The following ACER3 variants were observed in gnomAD, a reference collection of about 807,000 sequenced individuals.
ACER3 encodes the protein alkaline ceramidase 3.
A neutral mutation model predicts 48.9 loss-of-function variants in ACER3; 16 were observed. The observed-to-expected ratio is 0.33, with a 90% confidence interval of 0.22 to 0.50. The LOEUF (loss-of-function observed/expected upper bound fraction) is 0.50. Among genes scored for constraint, ACER3 ranks in the 20% least tolerant of loss-of-function variants. The pLI is 0.98. For synonymous variants in ACER3, 109 were observed against 107.8 expected (o/e 1.01, Z -0.07); for missense variants, 227 against 326.0 (o/e 0.70, Z 2.34).
At chr11:76,916,816 TC>T (rs1946544013) in intron 1 of ACER3, among the ~76,000 whole-genome samples, 1 of 152,220 alleles carries the variant, frequency 6.6e-6, no homozygotes, top group African/African-American at 2.4e-5. Context: ...CTTACCTTGT[TC>T]TTCTCTGGCT....
chr11:76,991,833 G>C (rs1169874639), intron 6 of ACER3, among the ~76,000 whole-genome samples: 1 of 103,672 alleles, frequency 9.6e-6, no homozygotes, highest in South Asian at 3.3e-4. Context: ...AAAAAAAAAA[G>C]AAAGAAAAGA....
chr11:76,910,146 A>T (rs1009148922), intron 1 of ACER3, among the ~76,000 whole-genome samples: 1 of 151,964 alleles, frequency 6.6e-6, no homozygotes, highest in Admixed American at 6.6e-5. Context: ...AAGGGGAGGG[A>T]TAGCATTAGG....
intron 1 of ACER3, among the ~76,000 whole-genome samples, chr11:76,915,616 A>C (rs538448541): frequency 6.6e-6 from 1 of 152,340 alleles, no homozygotes; most frequent in Non-Finnish European, 1.5e-5. Flanking sequence ...CTCATGCCTA[A>C]CTACCTGTAA....
chr11:77,016,695 C>T lies in ACER3; in HGVS notation c.620C>T (p.Pro207Leu), dbSNP rs1174025268. ...ESLRNFRKKV[P>L]PIIGITTQFH... The stretch of plus-strand genomic sequence containing the variant: ...CACAGGAACTTTCGAAAGAAGGTAC[C>T]ACCTATCATAGGTATTACCACACAA... Residue 207 changes from proline (P) to leucine (L), a missense_variant, in exon 9 of 11, where the codon CCA (proline) becomes CTA (leucine). Physicochemically the swap from Pro to Leu is moderately conservative, Grantham distance 98. This residue lies in a region of ACER3 where 195 missense variants were observed against 290.8 expected (regional missense o/e 0.67). Transcript: ENST00000532485. The T allele has an allele frequency of 1.9e-6, 3 of 1,581,480 alleles. No individual in the cohort carries two copies. Among genetic ancestry groups the T allele is most frequent in the Non-Finnish European group, 2.6e-6 (3 of 1,162,342 alleles).
intron 3 of ACER3, among the ~76,000 whole-genome samples, chr11:76,972,659 C>A (rs1352991685): frequency 6.6e-6 from 1 of 152,218 alleles, no homozygotes; most frequent in African/African-American, 2.4e-5. Flanking sequence ...CCACTCTATG[C>A]TGCTGTTTTC....
At chr11:76,917,313 C>T (rs764674783) in intron 1 of ACER3, among the ~76,000 whole-genome samples, 1 of 151,912 alleles carries the variant, frequency 6.6e-6, no homozygotes, top group Non-Finnish European at 1.5e-5. Context: ...GTAATACTTA[C>T]ATGCAATAAA....
At chr11:76,890,459 T>C (rs77147099) in intron 1 of ACER3, among the ~76,000 whole-genome samples, 4,943 of 152,268 alleles carry the variant, frequency 0.032, 96 homozygotes, top group South Asian at 0.067. Flanking sequence ...AAGTAAGACT[T>C]ATTTTGCCTG....
intron 1 of ACER3, among the ~76,000 whole-genome samples, chr11:76,867,168 T>C (rs1945111401): frequency 6.6e-6 from 1 of 152,140 alleles, no homozygotes; most frequent in Non-Finnish European, 1.5e-5. Flanking sequence ...ACAGCTTCTC[T>C]GTTCAAAGTA....
At chr11:76,862,889 T>C (rs2134480502) in intron 1 of ACER3, among the ~76,000 whole-genome samples, 1 of 152,308 alleles carries the variant, frequency 6.6e-6, no homozygotes, top group African/African-American at 2.4e-5. Flanking sequence ...TAGTTGCAGC[T>C]TTATGGGTCT....
intron 6 of ACER3, among the ~76,000 whole-genome samples, chr11:76,992,949 G>T (rs1264131347): frequency 6.6e-6 from 1 of 151,524 alleles, no homozygotes; most frequent in Non-Finnish European, 1.5e-5. Context: ...GCTCACTACA[G>T]CCTTGACCTC....
chr11:77,015,708 CAG>C (rs1949352800), intron 8 of ACER3, among the ~76,000 whole-genome samples: 1 of 152,106 alleles, frequency 6.6e-6, no homozygotes, highest in Admixed American at 6.6e-5. Flanking sequence ...TTTGCATAAA[CAG>C]AGAAGAGAGG....
intron 1 of ACER3, chr11:76,868,076 GC>G: frequency 7.8e-7 from 1 of 1,285,560 alleles, no homozygotes; most frequent in East Asian, 5.6e-5. Context: ...GCATTTGACT[GC>G]TTGTAGCCCT....
chr11:77,007,879 C>A (rs1227449801), intron 7 of ACER3, among the ~76,000 whole-genome samples: 1 of 152,056 alleles, frequency 6.6e-6, no homozygotes, highest in Non-Finnish European at 1.5e-5. Flanking sequence ...TATTGCATGG[C>A]AGGGTGACTA....
chr11:77,020,325 T>C lies in ACER3; in HGVS notation c.802T>C (p.Ter268ArgextTer1), dbSNP rs782030357. Residue 268 changes from the stop codon to arginine, a stop_lost, in exon 11 of 11, where the codon TGA becomes CGA. Transcript: ENST00000532485. The part of the protein sequence containing the change: ...VILFEPLRKH[*>R] ...CCTGTTTGAGCCTCTCAGGAAGCAT[T>C]GATGAATCATTCCACCAAGAAAACA... The C allele has an allele frequency of 1.9e-6, 3 of 1,613,386 alleles. No individual in the cohort carries two copies. The highest frequency in any genetic ancestry group is 2.7e-5 in the African/African-American group (2 of 74,910).
chr11:76,999,916 C>A (rs1948993104), intron 7 of ACER3, among the ~76,000 whole-genome samples: 1 of 152,112 alleles, frequency 6.6e-6, no homozygotes, highest in Non-Finnish European at 1.5e-5. Context: ...CTGCTATGAA[C>A]AATTGTAATG....
rs1949456602 is a variant in ACER3, at chr11:77,020,579, G to A, written c.*252G>A. ...TTATAAAGAAACAGAGATGATGTGTGTGTATGCCTCAAATGCAGAAACAGT... is the reference window on the plus strand; with the variant it reads ...TTATAAAGAAACAGAGATGATGTGTATGTATGCCTCAAATGCAGAAACAGT... On this transcript the variant is annotated 3_prime_UTR_variant, in exon 11 of 11. Transcript: ENST00000532485. 2.3e-6 allele frequency: 1 copy of A among 432,742 alleles called. No homozygotes were observed. The highest frequency in any genetic ancestry group is 3.3e-5 in the South Asian group (1 of 29,992). The allele number at this position is 432,742 out of a possible 1,614,324, so 26.8% of individuals were successfully genotyped here. A position where few individuals can be genotyped will look rare whatever the true frequency, so the allele number is the denominator to read the frequency against.
chr11:77,010,589 A>G (rs1437256984), intron 7 of ACER3, among the ~76,000 whole-genome samples: 1 of 152,210 alleles, frequency 6.6e-6, no homozygotes, highest in African/African-American at 2.4e-5. Flanking sequence ...ATAATTCAAG[A>G]AAACATTATA....
chr11:76,864,745 G>A lies in ACER3; in HGVS notation c.103+3666G>A, dbSNP rs532439418. ...CTCCCAAGTAGCTGGGATTACAGGCGCATGCCACCACGCCTGGCTAATTTT... is the reference window on the plus strand; with the variant it reads ...CTCCCAAGTAGCTGGGATTACAGGCACATGCCACCACGCCTGGCTAATTTT... On this transcript the variant is annotated intron_variant, in intron 1 of 10. Coordinates refer to ENST00000532485, the MANE Select transcript of ACER3 (RefSeq NM_018367.7). Among the ~76,000 whole-genome samples, 258 of 151,246 alleles carry A rather than the reference G, an allele frequency of 1.7e-3. 1 individual carries two copies. The highest frequency in any genetic ancestry group is 3.1e-3 in the Non-Finnish European group (208 of 67,762).
chr11:76,905,865 A>C (rs1222952475), intron 1 of ACER3, among the ~76,000 whole-genome samples: 1 of 152,262 alleles, frequency 6.6e-6, no homozygotes, highest in Non-Finnish European at 1.5e-5. Flanking sequence ...AAGCAAAACT[A>C]TGTGGATATA....
Sources: allele counts gnomAD v4.1 joint callset (sites outside exome capture counted in the v4.1 genomes callset), GRCh38; gene constraint gnomAD v4.1.1; regional missense constraint gnomAD v4.1.1; transcripts MANE v1.5; gene names NCBI Gene and HGNC (gene_info 2026-07-23, HGNC 2026-07-21).